The following PAAF1 variants were observed in gnomAD, a reference collection of about 807,000 sequenced individuals.
PAAF1 encodes proteasomal ATPase-associated factor 1.
PAAF1 carries 46 observed loss-of-function variants against 52.8 expected under a neutral mutation model. The ratio of observed to expected loss-of-function variants is 0.87; its 90% CI spans 0.69 to 1.11. The LOEUF is 1.11. PAAF1 is among the 50% of genes most tolerant of loss of function. The probability of loss-of-function intolerance (pLI) is 0.00; values close to 1 mark genes in which losing one functional copy is unlikely to be tolerated. For missense variants in PAAF1, 424 were observed against 477.4 expected, an observed-to-expected ratio of 0.89 and a Z score of 1.04; for synonymous variants, 178 against 172.8, an observed-to-expected ratio of 1.03 and a Z score of -0.24.
chr11:73,927,980 C>G lies in PAAF1; in HGVS notation c.*618C>G, dbSNP rs1174312852. ...TTCAATGCCAAAACTGGGGCAGTCT[C>G]AAACCAACATGATTGGTCAGCCTAT... On this transcript the variant is annotated 3_prime_UTR_variant, in exon 12 of 12. Coordinates refer to ENST00000310571, the MANE Select transcript of PAAF1 (RefSeq NM_025155.3). The G allele has an allele frequency of 6.5e-6, 1 of 153,250 alleles. No homozygotes were observed. The highest frequency in any genetic ancestry group is 2.4e-5 in the African/African-American group (1 of 41,440). 9.5% of individuals were successfully genotyped at this position (153,250 alleles called of 1,614,324 possible). A position where few individuals can be genotyped will look rare whatever the true frequency, so the allele number is the denominator to read the frequency against.
In PAAF1 at chr11:73,924,796, T is replaced by C. The variant is rs959024978; in HGVS notation, c.1101+99T>C. The C allele has an allele frequency of 3.6e-5, 33 of 919,496 alleles. No homozygotes were observed. The Middle Eastern group carries it at 8.7e-4, about 24-fold the overall frequency. 57.0% of individuals were successfully genotyped at this position (919,496 alleles called of 1,614,324 possible). On this transcript the variant is annotated intron_variant, in intron 11 of 11. Coordinates refer to ENST00000310571, the MANE Select transcript of PAAF1 (RefSeq NM_025155.3). Reference sequence around the variant, plus strand: ...GATACCTTGTGGTCATTAGGGATGATAAAATAGTGCTTATTGTATAAGCAG... The same window carrying C: ...GATACCTTGTGGTCATTAGGGATGACAAAATAGTGCTTATTGTATAAGCAG...
intron 6 of PAAF1, among the ~76,000 whole-genome samples, chr11:73,904,166 G>T (rs1266183218): frequency 6.6e-6 from 1 of 151,788 alleles, no homozygotes; most frequent in Non-Finnish European, 1.5e-5. Context: ...ATAACTAAAG[G>T]ATTAGTTTGT....
intron 10 of PAAF1, among the ~76,000 whole-genome samples, chr11:73,924,330 C>A (rs1481064788): frequency 2.0e-5 from 3 of 152,124 alleles, no homozygotes; most frequent in African/African-American, 7.2e-5. Context: ...CCTGTAATCC[C>A]AGCTGCTTGG....
intron 9 of PAAF1, among the ~76,000 whole-genome samples, chr11:73,918,362 T>TG (rs55818010): frequency 0.041 from 5,118 of 126,056 alleles, 61 homozygotes; most frequent in Middle Eastern, 0.057. Flanking sequence ...ATTTTTTTTT[T>TG]TTTTTTTTTT....
At chr11:73,888,921 A>G (rs1482786506) in intron 3 of PAAF1, 2 of 473,716 alleles carry the variant, frequency 4.2e-6, no homozygotes, top group Non-Finnish European at 7.5e-6. Flanking sequence ...TCTATAAAAT[A>G]CTACAGAAGT....
chr11:73,929,797 C>CT lies in PAAF1; in HGVS notation c.*2436dup, dbSNP rs1199275680. ...TGAGGCTGGGCATGGTGGCTCACGC[C>CT]TATAATCCCAGCACTTTGGGAGGCC... On this transcript the variant is annotated 3_prime_UTR_variant, in exon 12 of 12. Transcript: ENST00000310571. 6.6e-6 allele frequency: 1 copy of CT among 152,332 alleles called. No individual in the cohort carries two copies. The highest frequency in any genetic ancestry group is 1.5e-5 in the Non-Finnish European group (1 of 68,120). The allele number at this position is 152,332 out of a possible 1,614,324, so 9.4% of individuals were successfully genotyped here. A position where few individuals can be genotyped will look rare whatever the true frequency, so the allele number is the denominator to read the frequency against.
At chr11:73,899,520 T>C (rs1949535359) in intron 5 of PAAF1, among the ~76,000 whole-genome samples, 2 of 151,626 alleles carry the variant, frequency 1.3e-5, no homozygotes, top group Admixed American at 1.3e-4. Context: ...CAAGCGATTC[T>C]TGTGCCTCAG....
intron 3 of PAAF1, among the ~76,000 whole-genome samples, chr11:73,890,142 A>C (rs1949160152): frequency 1.3e-5 from 2 of 152,206 alleles, no homozygotes; most frequent in South Asian, 4.1e-4. Flanking sequence ...TCATTTGGTG[A>C]GTGCAGCTCC....
Position 73,929,504 on chromosome 11 carries a change from G to GTTA in PAAF1, c.*2148_*2150dup, listed in dbSNP as rs1205289138. The GTTA allele has an allele frequency of 6.6e-6, 1 of 152,180 alleles. No homozygotes were observed. Among genetic ancestry groups the GTTA allele is most frequent in the Non-Finnish European group, 1.5e-5 (1 of 68,034 alleles). The allele number at this position is 152,180 out of a possible 1,614,324, so 9.4% of individuals were successfully genotyped here. Reference sequence around the variant, plus strand: ...TTCTTACAAGACTCAAAAAGCGAATGTTATTATTTGTTTTATTCCGATAAG... The same window carrying GTTA: ...TTCTTACAAGACTCAAAAAGCGAATGTTATTATTATTTGTTTTATTCCGATAAG... On this transcript the variant is annotated 3_prime_UTR_variant, in exon 12 of 12. Coordinates refer to ENST00000310571, the MANE Select transcript of PAAF1 (RefSeq NM_025155.3).
chr11:73,899,288 G>A, intron 5 of PAAF1, 44 bp downstream of exon 5: 1 of 1,479,972 alleles, frequency 6.8e-7, no homozygotes, highest in Non-Finnish European at 9.4e-7. Flanking sequence ...CACAAAGGGT[G>A]GTCTGAGAAG....
At chr11:73,910,155 T>G (rs902179673) in intron 7 of PAAF1, among the ~76,000 whole-genome samples, 2 of 152,186 alleles carry the variant, frequency 1.3e-5, no homozygotes, top group African/African-American at 4.8e-5. Flanking sequence ...ACTCCTGGGC[T>G]CAAGTGATGC....
chr11:73,883,423 G>A (rs1948971908), intron 2 of PAAF1, among the ~76,000 whole-genome samples: 1 of 152,054 alleles, frequency 6.6e-6, no homozygotes, highest in Non-Finnish European at 1.5e-5. Context: ...TTACTTTCTA[G>A]CTCTGTGGAT....
chr11:73,926,193 G>A (rs1264557617), intron 11 of PAAF1, among the ~76,000 whole-genome samples: 2 of 151,752 alleles, frequency 1.3e-5, no homozygotes, highest in Non-Finnish European at 2.9e-5. Context: ...AGCAACCTCC[G>A]CCTCCCAGGT....
chr11:73,900,510 A>G, intron 6 of PAAF1, 90 bp downstream of exon 6: 1 of 1,401,860 alleles, frequency 7.1e-7, no homozygotes, highest in Non-Finnish European at 9.6e-7. Context: ...TTATTCACAA[A>G]TACACAAATA....
Position 73,891,752 on chromosome 11 carries a change from ACT to A in PAAF1, c.282+554_282+555del, listed in dbSNP as rs556474529. Among the ~76,000 whole-genome samples, 17 of 151,912 alleles carry A rather than the reference ACT, an allele frequency of 1.1e-4. No individual in the cohort carries two copies. In the East Asian group the frequency reaches 2.9e-3, roughly 26 times the overall value. On this transcript the variant is annotated intron_variant, in intron 4 of 11. Coordinates refer to ENST00000310571, the MANE Select transcript of PAAF1 (RefSeq NM_025155.3). ...ATTATGCCACTGCACTGCAGCCTGG[ACT>A]CTGTCTCCAAAAAATAAATAAAAAT...
chr11:73,910,968 C>T (rs552644349), intron 7 of PAAF1, among the ~76,000 whole-genome samples: 6 of 136,178 alleles, frequency 4.4e-5, no homozygotes, highest in Admixed American at 8.1e-5. Flanking sequence ...CCAGCCCAGG[C>T]GACAGTGTGA....
At chr11:73,881,190 A>C (rs1250903654) in intron 2 of PAAF1, among the ~76,000 whole-genome samples, 2 of 152,178 alleles carry the variant, frequency 1.3e-5, no homozygotes, top group Admixed American at 6.5e-5. Context: ...ATCTTTACTT[A>C]GGCTAAAAAA....
At chr11:73,912,773 T>C (rs1361296881) in intron 7 of PAAF1, among the ~76,000 whole-genome samples, 1 of 152,162 alleles carries the variant, frequency 6.6e-6, no homozygotes, top group Admixed American at 6.6e-5. Flanking sequence ...TACACTTCTC[T>C]CCAGTCTCAT....
intron 6 of PAAF1, among the ~76,000 whole-genome samples, chr11:73,907,623 G>T (rs999297392): frequency 6.6e-5 from 10 of 152,184 alleles, no homozygotes; most frequent in African/African-American, 2.4e-4. Context: ...GCTAGATCCT[G>T]TGACAGTACC....
Sources: allele counts gnomAD v4.1 joint callset (sites outside exome capture counted in the v4.1 genomes callset), GRCh38; gene constraint gnomAD v4.1.1; transcripts MANE v1.5; gene names NCBI Gene and HGNC (gene_info 2026-07-23, HGNC 2026-07-21).